Variants in TFDP2 observed in about 807,000 individuals in gnomAD.
TFDP2 encodes transcription factor Dp-2 (E2F dimerization partner 2).
TFDP2 carries 17 observed loss-of-function variants against 59.3 expected under a neutral mutation model. The ratio of observed to expected loss-of-function variants is 0.29; its 90% CI spans 0.20 to 0.43. The LOEUF is 0.43. TFDP2 is among the 20% of genes least tolerant of loss of function. The probability of loss-of-function intolerance (pLI) is 1.00; values close to 1 mark genes in which losing one functional copy is unlikely to be tolerated. For missense variants in TFDP2, 391 were observed against 528.8 expected (o/e 0.74, Z 2.56); for synonymous variants, 180 against 194.7 (o/e 0.92, Z 0.63).
intron 3 of TFDP2, among the ~76,000 whole-genome samples, chr3:142,050,535 A>G (rs948456865): frequency 2.0e-5 from 3 of 151,798 alleles, no homozygotes; most frequent in African/African-American, 7.3e-5. Context: ...CTCTACTAAA[A>G]ACACAAAAAA....
intron 3 of TFDP2, among the ~76,000 whole-genome samples, chr3:142,060,577 G>GTATT (rs1331639282): frequency 6.6e-6 from 1 of 152,090 alleles, no homozygotes; most frequent in Non-Finnish European, 1.5e-5. Context: ...GCAGCATTCT[G>GTATT]TATTTATTTA....
intron 3 of TFDP2, among the ~76,000 whole-genome samples, chr3:142,045,689 T>C (rs949074247): frequency 1.3e-5 from 2 of 150,858 alleles, no homozygotes; most frequent in East Asian, 3.9e-4. Context: ...CTCAGCTCAC[T>C]GCAACCTCCG....
intron 4 of TFDP2, among the ~76,000 whole-genome samples, chr3:141,998,913 G>C (rs35787200): frequency 0.12 from 17,520 of 151,842 alleles, 1,225 homozygotes; most frequent in East Asian, 0.18. Flanking sequence ...TATTCTAAAG[G>C]GAAAAAAAAT....
chr3:142,090,124 A>G (rs2060950680), intron 3 of TFDP2, among the ~76,000 whole-genome samples: 1 of 152,182 alleles, frequency 6.6e-6, no homozygotes. Context: ...TTCTGCTGTT[A>G]CTAGCTAACA....
At position 141,963,977 on chromosome 3, in the gene TFDP2, TA is replaced by T; in HGVS notation, c.733-15del. On this transcript the variant is annotated splice_polypyrimidine_tract_variant and intron_variant, in intron 9 of 12. Coordinates refer to ENST00000489671, the MANE Select transcript of TFDP2 (RefSeq NM_001178139.2). ...GAAAGCGATTTGCTGTAATGATCAA[TA>T]AAAACAATATGGTCAATTGTGCATA... 1 of 1,610,924 alleles carries T rather than the reference TA, an allele frequency of 6.2e-7. No homozygotes were observed. The highest frequency in any genetic ancestry group is 8.5e-7 in the Non-Finnish European group (1 of 1,178,758).
chr3:142,044,246 T>A, intron 3 of TFDP2: 1 of 256,978 alleles, frequency 3.9e-6, no homozygotes, highest in Non-Finnish European at 7.4e-6. Flanking sequence ...TTTTTTTTTT[T>A]TTTTTTGAGC....
At chr3:142,119,814 G>A (rs2061975992) in intron 1 of TFDP2, among the ~76,000 whole-genome samples, 1 of 152,220 alleles carries the variant, frequency 6.6e-6, no homozygotes, top group Admixed American at 6.5e-5. Context: ...ATTTTGGGAG[G>A]CCAAGGCAGG....
intron 3 of TFDP2, among the ~76,000 whole-genome samples, chr3:142,056,513 T>C (rs1372407198): frequency 2.6e-5 from 4 of 152,124 alleles, no homozygotes; most frequent in African/African-American, 9.7e-5. Flanking sequence ...TAAATTTGAA[T>C]TTTAGATGAA....
At position 141,949,807 on chromosome 3, in the gene TFDP2, A is replaced by ATTTTT. The variant is rs759658026; in HGVS notation, c.*2701_*2705dup. On this transcript the variant is annotated 3_prime_UTR_variant, in exon 13 of 13. Transcript: ENST00000489671. ...CCTGGGCATTGTGACCACAACTTCCATTTTTTTTTTTTTTTTTTTTGAGAC... is the reference window on the plus strand; with the variant it reads ...CCTGGGCATTGTGACCACAACTTCCATTTTTTTTTTTTTTTTTTTTTTTTTGAGAC... The ATTTTT allele has an allele frequency of 0.023, 2,293 of 97,932 alleles. 298 individuals are homozygous for ATTTTT. Among genetic ancestry groups the ATTTTT allele is most frequent in the African/African-American group, 0.086 (1,965 of 22,890 alleles). The allele number at this position is 97,932 out of a possible 1,614,324, so 6.1% of individuals were successfully genotyped here. A position where few individuals can be genotyped will look rare whatever the true frequency, so the allele number is the denominator to read the frequency against.
intron 8 of TFDP2, among the ~76,000 whole-genome samples, chr3:141,973,373 CT>C (rs1940140756): frequency 2.0e-5 from 3 of 152,062 alleles, no homozygotes; most frequent in Admixed American, 6.6e-5. Context: ...GCCACCGCCC[CT>C]GGCCCAGAAG....
At chr3:142,031,271 T>C (rs185313689) in intron 3 of TFDP2, among the ~76,000 whole-genome samples, 8 of 152,290 alleles carry the variant, frequency 5.3e-5, no homozygotes, top group African/African-American at 1.9e-4. Flanking sequence ...CCTTTTCCCA[T>C]TCCTTCCTTC....
chr3:141,989,049 T>A (rs1323976304), intron 6 of TFDP2: 1 of 152,248 alleles, frequency 6.6e-6, no homozygotes, highest in Non-Finnish European at 1.5e-5. Flanking sequence ...CTCAGGAACC[T>A]TCAGACCTCT....
chr3:142,023,170 T>C (rs1460062494), intron 3 of TFDP2, among the ~76,000 whole-genome samples: 2 of 145,694 alleles, frequency 1.4e-5, no homozygotes, highest in African/African-American at 2.5e-5. Flanking sequence ...AGAAAAAAAG[T>C]TGGGTTTTTA....
At chr3:142,068,332 C>A (rs1220414782) in intron 3 of TFDP2, among the ~76,000 whole-genome samples, 1 of 151,876 alleles carries the variant, frequency 6.6e-6, no homozygotes, top group Non-Finnish European at 1.5e-5. Context: ...TCCTAGAAGA[C>A]AATAAAAAAG....
intron 1 of TFDP2, among the ~76,000 whole-genome samples, chr3:142,125,168 T>C (rs781037103): frequency 6.6e-6 from 1 of 152,208 alleles, no homozygotes; most frequent in Non-Finnish European, 1.5e-5. Flanking sequence ...ATCATGTAAC[T>C]GCATTCCAGC....
At chr3:141,982,807 T>C (rs1941630841) in intron 6 of TFDP2, among the ~76,000 whole-genome samples, 1 of 151,960 alleles carries the variant, frequency 6.6e-6, no homozygotes, top group Non-Finnish European at 1.5e-5. Flanking sequence ...CATGTAAGAG[T>C]TTTATAAAAT....
chr3:141,961,422 T>G (rs1265313972), intron 10 of TFDP2, among the ~76,000 whole-genome samples: 12 of 151,918 alleles, frequency 7.9e-5, no homozygotes, highest in Admixed American at 7.9e-4. Context: ...TTTTGTATTT[T>G]TAGTAGAAAT....
chr3:142,087,104 A>T (rs1445295411), intron 3 of TFDP2, among the ~76,000 whole-genome samples: 1 of 152,222 alleles, frequency 6.6e-6, no homozygotes, highest in East Asian at 1.9e-4. Flanking sequence ...TGATATGACA[A>T]ATGATTCTCC....
At chr3:142,074,133 T>C (rs1224862325) in intron 3 of TFDP2, among the ~76,000 whole-genome samples, 2 of 152,184 alleles carry the variant, frequency 1.3e-5, no homozygotes, top group East Asian at 1.9e-4. Context: ...ATAGGCCAGG[T>C]GCAGTGGCTC....
Sources: allele counts gnomAD v4.1 joint callset (sites outside exome capture counted in the v4.1 genomes callset), GRCh38; gene constraint gnomAD v4.1.1; transcripts MANE v1.5; gene names NCBI Gene and HGNC (gene_info 2026-07-23, HGNC 2026-07-21).